GATA6: variants seen among roughly 807,000 people sequenced by gnomAD.
GATA6 encodes transcription factor GATA-6.
A neutral mutation model predicts 48.1 loss-of-function variants in GATA6; 11 were observed. The observed-to-expected ratio is 0.23, with a 90% CI of 0.14 to 0.38. The LOEUF is 0.38. Ranked by LOEUF, GATA6 falls within the 10% of genes least tolerant of loss-of-function variation. The probability of loss-of-function intolerance (pLI) is 1.00; values close to 1 mark genes in which losing one functional copy is unlikely to be tolerated. For synonymous variants in GATA6, 419 were observed against 396.1 expected (o/e 1.06, Z -0.69); for missense variants, 795 against 850.3 (o/e 0.93, Z 0.81).
chr18:22,173,960 C>T (rs938073765), intron 2 of GATA6, among the ~76,000 whole-genome samples: 6 of 152,212 alleles, frequency 3.9e-5, no homozygotes, highest in African/African-American at 1.4e-4. Context: ...GCTTCTGCTG[C>T]AAAGCTGGCC....
At position 22,171,286 on chromosome 18, in the gene GATA6, C is replaced by G; in HGVS notation, c.142C>G (p.Arg48Gly). 6.3e-7 allele frequency: 1 copy of G among 1,594,236 alleles called. No individual in the cohort carries two copies. The highest frequency in any genetic ancestry group is 8.5e-7 in the Non-Finnish European group (1 of 1,176,358). The change falls in exon 2 of 7, where the codon CGG becomes GGG. Residue 48 changes from arginine (R) to glycine (G), a missense_variant. Around this residue, in one of 5 missense-constraint regions of GATA6, gnomAD observed 591 missense variants for 570.0 expected, o/e 1.04. Coordinates refer to ENST00000269216, the MANE Select transcript of GATA6 (RefSeq NM_005257.6). The surrounding 1 kb of genome is among the most constrained non-coding windows in gnomAD (Gnocchi z 7.1). ...CTCTTCCTCGTCCTCCTCCTGCTCC[C>G]GGGGCGGAGAGCGGGGCCCCGGCGG... ...PISSSSSSCS[R>G]GGERGPGGAS...
At chr18:22,176,914 G>A (rs1207701167) in intron 2 of GATA6, 41 bp from the exon 3 acceptor site, 4 of 1,520,038 alleles carry the variant, frequency 2.6e-6, no homozygotes, top group Admixed American at 2.0e-5. Context: ...GGACGGGTCC[G>A]GCGCGCCCAC....
Position 22,185,528 on chromosome 18 carries a change from G to T in GATA6, c.1620+2485G>T, listed in dbSNP as rs1417105484. Among the ~76,000 whole-genome samples the T allele has an allele frequency of 6.6e-6, 1 of 152,232 alleles. No individual in the cohort carries two copies. The highest frequency in any genetic ancestry group is 1.9e-4 in the East Asian group (1 of 5,188). On this transcript the variant is annotated intron_variant, in intron 6 of 6. Coordinates refer to ENST00000269216, the MANE Select transcript of GATA6 (RefSeq NM_005257.6). The surrounding 1 kb of genome is among the most constrained non-coding windows in gnomAD (Gnocchi z 4.3). ...CTGCCATTACCAGGGCAGGGGGTAG[G>T]GTTGCTGGCCTGCCTACCAACCTCC...
chr18:22,197,679 G>A (rs1017080348), intron 6 of GATA6, among the ~76,000 whole-genome samples: 9 of 152,066 alleles, frequency 5.9e-5, no homozygotes, highest in Non-Finnish European at 1.0e-4. Flanking sequence ...TTTAATTGTC[G>A]CAACCATCCC....
At position 22,200,909 on chromosome 18, in the gene GATA6, C is replaced by A; in HGVS notation, c.*86C>A. 4 of 1,352,208 alleles carry A rather than the reference C, an allele frequency of 3.0e-6. No individual in the cohort carries two copies. The highest frequency in any genetic ancestry group is 3.1e-6 in the Non-Finnish European group (3 of 979,296). 83.8% of individuals were successfully genotyped at this position (1,352,208 alleles called of 1,614,324 possible). A position where few individuals can be genotyped will look rare whatever the true frequency, so the allele number is the denominator to read the frequency against. ...TTTTGTGCAGCGGTCCAGACAGTGG[C>A]GACTGCGCTGACAGAACGTGATTCT... On this transcript the variant is annotated 3_prime_UTR_variant, in exon 7 of 7. Coordinates refer to ENST00000269216, the MANE Select transcript of GATA6 (RefSeq NM_005257.6).
rs895334687 is a variant in GATA6, at chr18:22,175,930, C to CT, written c.1136-1017dup. On this transcript the variant is annotated intron_variant, in intron 2 of 6. Coordinates refer to ENST00000269216, the MANE Select transcript of GATA6 (RefSeq NM_005257.6). ...AAAGAACCTTAAATGGCGGTCTATA[C>CT]TTTTTTTTGGTCTATACTTACAATA... 2.0e-5 allele frequency among the ~76,000 whole-genome samples: 3 copies of CT among 151,892 alleles called. No homozygotes were observed. The South Asian group carries it at 6.2e-4, about 32-fold the overall frequency.
chr18:22,195,902 T>C (rs1235745284), intron 6 of GATA6, among the ~76,000 whole-genome samples: 1 of 152,252 alleles, frequency 6.6e-6, no homozygotes, highest in African/African-American at 2.4e-5. Context: ...CTTGCAACGG[T>C]TGGCTTCCTT....
chr18:22,184,315 CA>C (rs1568000578), intron 6 of GATA6, among the ~76,000 whole-genome samples: 3 of 150,520 alleles, frequency 2.0e-5, no homozygotes, highest in African/African-American at 7.3e-5. Context: ...TAGAGTTTCA[CA>C]AGGGAAGAAG....
chr18:22,172,469 A>C lies in GATA6; in HGVS notation c.1135+190A>C, dbSNP rs994482212. 1.3e-5 allele frequency among the ~76,000 whole-genome samples: 2 copies of C among 152,194 alleles called. No individual in the cohort carries two copies. Among genetic ancestry groups the C allele is most frequent in the African/African-American group, 4.8e-5 (2 of 41,450 alleles). ...CCCAGAGTCCGGTAGCGCTGAGGCG[A>C]GTTGTGCCAAGACTTGAGTCTGTTG... On this transcript the variant is annotated intron_variant, in intron 2 of 6. Transcript: ENST00000269216. This position sits in a 1 kb window ranked among gnomAD's most constrained non-coding sequence, Gnocchi z 5.2.
rs2033248346 is a variant in GATA6 at position 22,185,079 on chromosome 18, A to G, written c.1620+2036A>G. ...GAGTCTTGTGATTTTGTGACGTAAA[A>G]TTTCAAAATTTGCTATTAGCAAGTC... is the stretch of plus-strand genomic sequence containing the variant. On this transcript the variant is annotated intron_variant, in intron 6 of 6. Transcript: ENST00000269216. The surrounding 1 kb of genome is among the most constrained non-coding windows in gnomAD (Gnocchi z 4.3). Among the ~76,000 whole-genome samples the G allele has an allele frequency of 6.6e-6, 1 of 152,184 alleles. No individual in the cohort carries two copies. Among genetic ancestry groups the G allele is most frequent in the African/African-American group, 2.4e-5 (1 of 41,442 alleles).
intron 3 of GATA6, among the ~76,000 whole-genome samples, chr18:22,180,618 C>T (rs189039306): frequency 2.0e-5 from 3 of 151,452 alleles, no homozygotes. Flanking sequence ...ATAGATAAAA[C>T]AAAAATGCAG....
chr18:22,173,543 T>C (rs1423326256), intron 2 of GATA6, among the ~76,000 whole-genome samples: 1 of 152,140 alleles, frequency 6.6e-6, no homozygotes, highest in South Asian at 2.1e-4. Context: ...TTCCCAACCT[T>C]GTCCGCAAAA....
intron 6 of GATA6, among the ~76,000 whole-genome samples, chr18:22,192,334 T>G (rs942130594): frequency 6.6e-6 from 1 of 152,208 alleles, no homozygotes; most frequent in Non-Finnish European, 1.5e-5. Flanking sequence ...ACTACTTAAA[T>G]ACGGGTCTTG....
intron 6 of GATA6, among the ~76,000 whole-genome samples, chr18:22,183,749 A>G (rs538054304): frequency 6.6e-6 from 1 of 152,340 alleles, no homozygotes; most frequent in African/African-American, 2.4e-5. Flanking sequence ...TGCCTCTAGT[A>G]GAGAGCATTT....
chr18:22,182,869 A>C, intron 5 of GATA6, 25 bp downstream of exon 5: 1 of 1,604,688 alleles, frequency 6.2e-7, no homozygotes, highest in Non-Finnish European at 8.5e-7. Context: ...ATGACGTTTG[A>C]CTGTAAAGTA....
chr18:22,195,022 C>A (rs1008632225), intron 6 of GATA6, among the ~76,000 whole-genome samples: 1 of 152,042 alleles, frequency 6.6e-6, no homozygotes, highest in African/African-American at 2.4e-5. Context: ...AAAAATTAGC[C>A]GAGTGTAGTG....
In GATA6 at chr18:22,171,159, C is replaced by G. The variant is rs1353951147; in HGVS notation, c.15C>G (p.Asp5Glu). ...CCGGACCGTGGATGGCCTTGACTGACGGCGGCTGGTGCTTGCCGAAGCGCT... is the reference window on the plus strand; with the variant it reads ...CCGGACCGTGGATGGCCTTGACTGAGGGCGGCTGGTGCTTGCCGAAGCGCT... Reference protein sequence around the residue: MALTDGGWCLPKRFG... With the variant: MALTEGGWCLPKRFG... Residue 5 changes from aspartate (D) to glutamate (E), a missense_variant, in exon 2 of 7, where the codon GAC becomes GAG. Asp to Glu is a conservative substitution (Grantham distance 45). Transcript: ENST00000269216. The surrounding 1 kb of genome is among the most constrained non-coding windows in gnomAD (Gnocchi z 7.1). 10 of 1,599,840 alleles carry G rather than the reference C, an allele frequency of 6.3e-6. No homozygotes were observed. The highest frequency in any genetic ancestry group is 3.3e-5 in the Admixed American group (2 of 59,952).
At chr18:22,192,467 A>G (rs902310332) in intron 6 of GATA6, among the ~76,000 whole-genome samples, 1 of 152,222 alleles carries the variant, frequency 6.6e-6, no homozygotes, top group Admixed American at 6.5e-5. Context: ...TAAGAAAGTA[A>G]CCACATTTTA....
chr18:22,176,852 G>T, intron 2 of GATA6, 103 bp from the exon 3 acceptor site: 1 of 1,357,322 alleles, frequency 7.4e-7, no homozygotes, highest in Non-Finnish European at 9.8e-7. Context: ...GCACGGGCAG[G>T]GAAGCCGGGC....
Sources: allele counts gnomAD v4.1 joint callset (sites outside exome capture counted in the v4.1 genomes callset), GRCh38; gene constraint gnomAD v4.1.1; regional missense constraint gnomAD v4.1.1; non-coding constraint Gnocchi (gnomAD v3.1); transcripts MANE v1.5; gene names NCBI Gene and HGNC (gene_info 2026-07-23, HGNC 2026-07-21).